ZHX3: variants seen among roughly 807,000 people sequenced by gnomAD.
ZHX3 encodes the protein zinc fingers and homeoboxes 3, also known as zinc fingers and homeoboxes protein 3.
In ZHX3, 20 loss-of-function variants were observed where a neutral mutation model predicts 64.5. The ratio of observed to expected loss-of-function variants is 0.31; its 90% CI spans 0.22 to 0.45. The LOEUF is 0.45. Among genes scored for constraint, ZHX3 ranks in the 20% least tolerant of loss-of-function variants. ZHX3 has a pLI of 1.00. For synonymous variants in ZHX3, 423 were observed against 461.6 expected (o/e 0.92, Z 1.07); for missense variants, 1,041 against 1,195.8 (o/e 0.87, Z 1.91).
At chr20:41,189,091 G>A (rs979903756) in intron 3 of ZHX3, among the ~76,000 whole-genome samples, 1 of 152,150 alleles carries the variant, frequency 6.6e-6, no homozygotes, top group African/African-American at 2.4e-5. Flanking sequence ...ATTTATTGAA[G>A]AGGGTGTCCT....
chr20:41,192,567 T>C (rs1236458640), intron 3 of ZHX3, among the ~76,000 whole-genome samples: 1 of 152,206 alleles, frequency 6.6e-6, no homozygotes, highest in Non-Finnish European at 1.5e-5. Context: ...GCTGGCACCA[T>C]AGTTGTACCT....
intron 2 of ZHX3, among the ~76,000 whole-genome samples, chr20:41,213,390 C>T (rs577467164): frequency 6.6e-6 from 1 of 152,004 alleles, no homozygotes; most frequent in African/African-American, 2.4e-5. Context: ...ATTTACATTT[C>T]TAAGGTTTCA....
chr20:41,312,435 G>C (rs1433566844), intron 1 of ZHX3, among the ~76,000 whole-genome samples: 1 of 152,100 alleles, frequency 6.6e-6, no homozygotes, highest in African/African-American at 2.4e-5. Context: ...TCACTCTTTA[G>C]GTCCATGCCA....
intron 2 of ZHX3, among the ~76,000 whole-genome samples, chr20:41,252,391 G>A (rs921188535): frequency 2.0e-5 from 3 of 152,104 alleles, no homozygotes; most frequent in African/African-American, 4.8e-5. Context: ...CTTAGGCCTC[G>A]CCACTGAGCT....
chr20:41,200,759 A>T lies in ZHX3; in HGVS notation c.2860+1298T>A, dbSNP rs993224136. ...GAAGAACAGGCTTTCTGCAAATGCTAAACAGATGGATGACATGGTACTCCC... is the reference window on the plus strand; with the variant it reads ...GAAGAACAGGCTTTCTGCAAATGCTTAACAGATGGATGACATGGTACTCCC... On this transcript the variant is annotated intron_variant, in intron 3 of 3. Coordinates refer to ENST00000683867, the MANE Select transcript of ZHX3 (RefSeq NM_001384317.1). This position sits in a 1 kb window ranked among gnomAD's most constrained non-coding sequence, Gnocchi z 4.2. Among the ~76,000 whole-genome samples the T allele has an allele frequency of 6.6e-6, 1 of 152,178 alleles. No homozygotes were observed. The highest frequency in any genetic ancestry group is 6.5e-5 in the Admixed American group (1 of 15,272).
intron 2 of ZHX3, among the ~76,000 whole-genome samples, chr20:41,209,724 C>T (rs954485523): frequency 6.6e-6 from 1 of 152,170 alleles, no homozygotes. Context: ...AAATGTTAGA[C>T]CTAAAACCAT....
At chr20:41,309,844 T>C (rs1188425716) in intron 1 of ZHX3, among the ~76,000 whole-genome samples, 4 of 152,242 alleles carry the variant, frequency 2.6e-5, no homozygotes, top group Non-Finnish European at 5.9e-5. Context: ...CTCAGTTACT[T>C]GACCTCCTTG....
intron 2 of ZHX3, among the ~76,000 whole-genome samples, chr20:41,250,200 C>A (rs1411033075): frequency 6.6e-6 from 1 of 152,146 alleles, no homozygotes; most frequent in African/African-American, 2.4e-5. Context: ...GGAGCCGTGG[C>A]AGCACCAGAT....
intron 2 of ZHX3, among the ~76,000 whole-genome samples, chr20:41,222,526 C>G (rs570085474): frequency 7.9e-5 from 12 of 152,244 alleles, no homozygotes; most frequent in Non-Finnish European, 1.5e-4. Context: ...TGAAAAGACT[C>G]TGGTCTTTGC....
At chr20:41,273,739 T>C (rs1007333957) in intron 1 of ZHX3, among the ~76,000 whole-genome samples, 1 of 152,214 alleles carries the variant, frequency 6.6e-6, no homozygotes, top group African/African-American at 2.4e-5. Context: ...ATTTTGATTA[T>C]TGTAGCTTTG....
intron 1 of ZHX3, among the ~76,000 whole-genome samples, chr20:41,282,445 G>A (rs968607440): frequency 9.0e-5 from 12 of 132,990 alleles, no homozygotes; most frequent in Admixed American, 2.7e-4. Flanking sequence ...TGCAACATTC[G>A]CCTCCAGGGT....
In ZHX3 at chr20:41,202,630, G is replaced by A. The variant is rs2038330351; in HGVS notation, c.2287C>T (p.Leu763Phe). The A allele has an allele frequency of 1.2e-6, 2 of 1,613,896 alleles. No homozygotes were observed. The highest frequency in any genetic ancestry group is 1.6e-4 in the Middle Eastern group (1 of 6,062). ...DDESNKLAEQ[L>F]PGKVSCKKTA... is the part of the protein sequence containing the mutation. ...TTTTTGCAGCTCACTTTGCCTGGGA[G>A]CTGCTCTGCCAGTTTGTTTGACTCA... Residue 763 changes from leucine to phenylalanine, a missense_variant, in exon 3 of 4, where the codon CTC (leucine) becomes TTC (phenylalanine). Transcript: ENST00000683867. This position sits in a 1 kb window ranked among gnomAD's most constrained non-coding sequence, Gnocchi z 7.0.
intron 2 of ZHX3, among the ~76,000 whole-genome samples, chr20:41,253,766 G>T (rs6102324): frequency 0.58 from 87,466 of 151,894 alleles, 26,439 homozygotes; most frequent in East Asian, 0.81. Context: ...TCTACTTAGC[G>T]ATAAAACATG....
chr20:41,267,907 T>A (rs567375184), intron 2 of ZHX3, among the ~76,000 whole-genome samples: 5 of 152,338 alleles, frequency 3.3e-5, no homozygotes, highest in African/African-American at 1.2e-4. Flanking sequence ...AAGAAACTTG[T>A]CTTATGACAT....
chr20:41,209,992 T>A (rs2146276824), intron 2 of ZHX3, among the ~76,000 whole-genome samples: 1 of 152,182 alleles, frequency 6.6e-6, no homozygotes, highest in Non-Finnish European at 1.5e-5. Flanking sequence ...CTTAAACAAA[T>A]TTACAAGAAA....
At chr20:41,188,575 A>G (rs1044329319) in intron 3 of ZHX3, 8 of 151,660 alleles carry the variant, frequency 5.3e-5, no homozygotes, top group African/African-American at 1.9e-4. Context: ...ACACCCGACT[A>G]ATTTTTGTAG....
rs1200396646 is a variant in ZHX3 at position 41,228,960 on chromosome 20, CATTAAGT to C, written c.-150-23901_-150-23895del. Among the ~76,000 whole-genome samples, 3 of 152,140 alleles carry C rather than the reference CATTAAGT, an allele frequency of 2.0e-5. No individual in the cohort carries two copies. Among genetic ancestry groups the C allele is most frequent in the Admixed American group, 2.0e-4 (3 of 15,262 alleles). On this transcript the variant is annotated intron_variant, in intron 2 of 3. Transcript: ENST00000683867. This position sits in a 1 kb window ranked among gnomAD's most constrained non-coding sequence, Gnocchi z 4.6. The stretch of plus-strand genomic sequence containing the variant: ...CATTTTTAGGTGGAGAGTTCAGTAG[CATTAAGT>C]ATTAACACAGTCACATTGTTGTACA...
intron 2 of ZHX3, among the ~76,000 whole-genome samples, chr20:41,207,249 A>G (rs998446494): frequency 6.6e-6 from 1 of 152,178 alleles, no homozygotes; most frequent in Non-Finnish European, 1.5e-5. Flanking sequence ...TCAACTAACG[A>G]GCAAAATAAC....
chr20:41,299,348 G>A (rs2044699035), intron 1 of ZHX3, among the ~76,000 whole-genome samples: 1 of 152,124 alleles, frequency 6.6e-6, no homozygotes, highest in Admixed American at 6.6e-5. Context: ...ATTATGCTAA[G>A]GGTTTCATTT....
Sources: gnomAD v4.1 joint callset for allele counts (sites outside exome capture counted in the v4.1 genomes callset) on GRCh38, gnomAD v4.1.1 for gene constraint, Gnocchi (gnomAD v3.1) non-coding constraint, MANE v1.5 for transcripts, NCBI Gene and HGNC (gene_info 2026-07-23, HGNC 2026-07-21) for gene names.